Variants in SDC2 observed in about 807,000 individuals in gnomAD.
SDC2 encodes the protein syndecan 2.
In SDC2, 13 loss-of-function variants were observed where a neutral mutation model predicts 22.2. That is an observed-to-expected ratio of 0.59 (90% CI 0.38 to 0.93). The LOEUF is 0.93. Among genes scored for constraint, SDC2 ranks in the 40% least tolerant of loss-of-function variants. The pLI, the probability that SDC2 is intolerant of heterozygous loss-of-function variation, is 0.00. For missense variants in SDC2, 235 were observed against 246.8 expected, an observed-to-expected ratio of 0.95 and a Z score of 0.32; for synonymous variants, 94 against 92.8, an observed-to-expected ratio of 1.01 and a Z score of -0.07.
At position 96,610,797 on chromosome 8, in the gene SDC2, T is replaced by C. The variant is rs1815162748; in HGVS notation, c.*1249T>C. ...AAGAGCCTGTCGATGAGACTGTTTA[T>C]TACCAGATTCACTTCTGAATTGGCC... On this transcript the variant is annotated 3_prime_UTR_variant, in exon 5 of 5. Transcript: ENST00000302190. 6.6e-6 allele frequency: 1 copy of C among 152,656 alleles called. No individual in the cohort carries two copies. The highest frequency in any genetic ancestry group is 1.5e-5 in the Non-Finnish European group (1 of 68,042). 9.5% of individuals were successfully genotyped at this position (152,656 alleles called of 1,614,324 possible). A position where few individuals can be genotyped will look rare whatever the true frequency, so the allele number is the denominator to read the frequency against.
chr8:96,550,176 G>C (rs1031208780), intron 1 of SDC2, among the ~76,000 whole-genome samples: 2 of 152,142 alleles, frequency 1.3e-5, no homozygotes, highest in Non-Finnish European at 2.9e-5. Flanking sequence ...GGTTTTCCTA[G>C]CCTCTCACTA....
chr8:96,536,146 T>C (rs1813750996), intron 1 of SDC2, among the ~76,000 whole-genome samples: 1 of 151,892 alleles, frequency 6.6e-6, no homozygotes, highest in Non-Finnish European at 1.5e-5. Flanking sequence ...CTTTTCTTTT[T>C]TTTTTTTTCC....
At position 96,541,728 on chromosome 8, in the gene SDC2, A is replaced by T. The variant is rs75140299; in HGVS notation, c.60+47397A>T. ...TAGGGAGTTAGTGTTTAATGGACACAGATTTTTAGTTTTTTGAGATGAAAA... is the reference window on the plus strand; with the variant it reads ...TAGGGAGTTAGTGTTTAATGGACACTGATTTTTAGTTTTTTGAGATGAAAA... On this transcript the variant is annotated intron_variant, in intron 1 of 4. Coordinates refer to ENST00000302190, the MANE Select transcript of SDC2 (RefSeq NM_002998.4). Among the ~76,000 whole-genome samples the T allele has an allele frequency of 2.2e-4, 34 of 152,248 alleles. No homozygotes were observed. In the South Asian group the frequency reaches 6.8e-3, roughly 31 times the overall value.
At chr8:96,583,448 T>C (rs1215597197) in intron 1 of SDC2, among the ~76,000 whole-genome samples, 1 of 147,942 alleles carries the variant, frequency 6.8e-6, no homozygotes, top group Non-Finnish European at 1.5e-5. Context: ...TAATTAATTT[T>C]CAAAAGTTTA....
intron 3 of SDC2, among the ~76,000 whole-genome samples, chr8:96,606,077 A>G (rs1019139003): frequency 1.3e-5 from 2 of 152,152 alleles, no homozygotes; most frequent in Non-Finnish European, 2.9e-5. Flanking sequence ...AGATGGTAGG[A>G]AGCTCTCAGG....
intron 2 of SDC2, among the ~76,000 whole-genome samples, chr8:96,599,428 A>G (rs1379514682): frequency 6.6e-6 from 1 of 152,222 alleles, no homozygotes. Flanking sequence ...TTTGTAAGAA[A>G]ATGATTCATT....
intron 1 of SDC2, among the ~76,000 whole-genome samples, chr8:96,581,114 T>C (rs1191333400): frequency 6.6e-6 from 1 of 152,246 alleles, no homozygotes; most frequent in Non-Finnish European, 1.5e-5. Flanking sequence ...GAAATGGTAC[T>C]TACACATGTG....
intron 1 of SDC2, among the ~76,000 whole-genome samples, chr8:96,578,009 A>G (rs1353488929): frequency 6.6e-6 from 1 of 152,242 alleles, no homozygotes; most frequent in Non-Finnish European, 1.5e-5. Context: ...CACAAATGAT[A>G]GGACATTTCA....
At chr8:96,606,179 A>G (rs1815075914) in intron 3 of SDC2, among the ~76,000 whole-genome samples, 1 of 152,160 alleles carries the variant, frequency 6.6e-6, no homozygotes, top group Non-Finnish European at 1.5e-5. Flanking sequence ...GCTAGAATGC[A>G]GTGGCACAAT....
chr8:96,576,379 G>GGTTTTTTTTTTT (rs1554604674), intron 1 of SDC2, among the ~76,000 whole-genome samples: 1 of 47,564 alleles, frequency 2.1e-5, no homozygotes, highest in Non-Finnish European at 3.9e-5. Context: ...TTTTTGTTTT[G>GGTTTTTTTTTTT]TTTTGTTTTT....
intron 1 of SDC2, among the ~76,000 whole-genome samples, chr8:96,578,802 T>G (rs7819371): frequency 0.024 from 3,657 of 151,870 alleles, 137 homozygotes; most frequent in African/African-American, 0.076. Context: ...GTTGAAAAAA[T>G]AAAGAAAGAA....
chr8:96,538,310 T>C (rs1468972051), intron 1 of SDC2, among the ~76,000 whole-genome samples: 1 of 152,172 alleles, frequency 6.6e-6, no homozygotes, highest in African/African-American at 2.4e-5. Flanking sequence ...GGTTTTATAC[T>C]ATACAAATAA....
chr8:96,557,881 A>T (rs1388469275), intron 1 of SDC2, among the ~76,000 whole-genome samples: 4 of 152,212 alleles, frequency 2.6e-5, no homozygotes, highest in African/African-American at 9.6e-5. Context: ...GGAAGATCCT[A>T]TAACTCTATG....
intron 3 of SDC2, among the ~76,000 whole-genome samples, chr8:96,603,080 C>T (rs1326889503): frequency 6.6e-6 from 1 of 152,152 alleles, no homozygotes; most frequent in Non-Finnish European, 1.5e-5. Flanking sequence ...GGTCTTTGGC[C>T]TTAGACCTGA....
chr8:96,559,038 G>T (rs10464834), intron 1 of SDC2, among the ~76,000 whole-genome samples: 27,707 of 152,094 alleles, frequency 0.18, 2,987 homozygotes, highest in African/African-American at 0.29. Context: ...AATGTAATTG[G>T]TGAGTAATTT....
Position 96,602,902 on chromosome 8 carries a change from A to G in SDC2, c.306+374A>G, listed in dbSNP as rs137902259. Among the ~76,000 whole-genome samples, 9 of 152,316 alleles carry G rather than the reference A, an allele frequency of 5.9e-5. No individual in the cohort carries two copies. In the East Asian group the frequency reaches 1.5e-3, roughly 26 times the overall value. ...GGTTTCCTGGTTTGTAGGTTACGTA[A>G]TTAGAAGACTCCAGGTCACGTCTTG... On this transcript the variant is annotated intron_variant, in intron 3 of 4. Transcript: ENST00000302190.
chr8:96,583,668 A>G lies in SDC2; in HGVS notation c.61-9812A>G, dbSNP rs548315614. ...CCTTTCAGTGCTTGGCCAAATATAT[A>G]TATGTATTTGAAATATATGTGTGTG... On this transcript the variant is annotated intron_variant, in intron 1 of 4. Coordinates refer to ENST00000302190, the MANE Select transcript of SDC2 (RefSeq NM_002998.4). Among the ~76,000 whole-genome samples the G allele has an allele frequency of 2.6e-3, 382 of 145,376 alleles. 2 individuals are homozygous for G. Among genetic ancestry groups the G allele is most frequent in the African/African-American group, 9.2e-3 (356 of 38,504 alleles).
chr8:96,586,775 C>T (rs578235387), intron 1 of SDC2, among the ~76,000 whole-genome samples: 1 of 152,304 alleles, frequency 6.6e-6, no homozygotes, highest in South Asian at 2.1e-4. Context: ...GGTTTGTTTT[C>T]CTAATACGCA....
chr8:96,518,573 G>T (rs1813445931), intron 1 of SDC2, among the ~76,000 whole-genome samples: 1 of 152,044 alleles, frequency 6.6e-6, no homozygotes, highest in African/African-American at 2.4e-5. Context: ...TTGGCCAGAT[G>T]GTCTTGATTT....
Sources: gnomAD v4.1 joint callset for allele counts (sites outside exome capture counted in the v4.1 genomes callset) on GRCh38, gnomAD v4.1.1 for gene constraint, MANE v1.5 for transcripts, NCBI Gene and HGNC (gene_info 2026-07-23, HGNC 2026-07-21) for gene names.